EPB41L2: variants seen among roughly 807,000 people sequenced by gnomAD.
EPB41L2 encodes erythrocyte membrane protein band 4.1 like 2.
In EPB41L2, 43 loss-of-function variants were observed where a neutral mutation model predicts 113.0. The ratio of observed to expected loss-of-function variants is 0.38; its 90% confidence interval spans 0.30 to 0.49. The LOEUF (loss-of-function observed/expected upper bound fraction) is 0.49. Ranked by LOEUF, EPB41L2 falls within the 20% of genes least tolerant of loss-of-function variation. The pLI, the probability that EPB41L2 is intolerant of heterozygous loss-of-function variation, is 0.95. For missense variants in EPB41L2, 1,147 were observed against 1,223.4 expected (o/e 0.94, Z 0.93); for synonymous variants, 442 against 436.7 (o/e 1.01, Z -0.15).
intron 3 of EPB41L2, among the ~76,000 whole-genome samples, chr6:130,934,452 T>C (rs1366513279): frequency 2.0e-5 from 3 of 152,180 alleles, no homozygotes; most frequent in Non-Finnish European, 1.5e-5. Context: ...TACATAAATA[T>C]AGAAGACATA....
chr6:130,842,873 C>CT (rs1041808539), intron 19 of EPB41L2, among the ~76,000 whole-genome samples: 5 of 152,126 alleles, frequency 3.3e-5, no homozygotes, highest in Admixed American at 6.5e-5. Flanking sequence ...CATTAATAAA[C>CT]TTTTTTTCTG....
At chr6:130,875,085 T>C (rs1192473178) in intron 14 of EPB41L2, among the ~76,000 whole-genome samples, 2 of 152,220 alleles carry the variant, frequency 1.3e-5, no homozygotes, top group Admixed American at 6.5e-5. Flanking sequence ...ATCTTTCTCA[T>C]TTGCAATGTT....
At chr6:130,959,645 G>A (rs1818675387) in intron 1 of EPB41L2, among the ~76,000 whole-genome samples, 1 of 152,154 alleles carries the variant, frequency 6.6e-6, no homozygotes, top group Non-Finnish European at 1.5e-5. Context: ...CAGGTAAACT[G>A]GCTCCATATT....
chr6:130,952,990 TG>T (rs371564728), intron 3 of EPB41L2, among the ~76,000 whole-genome samples: 15 of 150,006 alleles, frequency 1.0e-4, no homozygotes, highest in African/African-American at 3.7e-4. Context: ...GTCAGTCTTG[TG>T]GTTTAGTGAT....
At chr6:130,992,573 G>A (rs1358187684) in intron 1 of EPB41L2, among the ~76,000 whole-genome samples, 1 of 151,948 alleles carries the variant, frequency 6.6e-6, no homozygotes, top group East Asian at 1.9e-4. Flanking sequence ...CCTCTCTATG[G>A]GGACTCGCTT....
At chr6:130,925,314 G>A (rs1366012773) in intron 4 of EPB41L2, among the ~76,000 whole-genome samples, 4 of 149,216 alleles carry the variant, frequency 2.7e-5, no homozygotes, top group Admixed American at 1.3e-4. Context: ...TCAGCCTCCC[G>A]AGTAGCTGAG....
chr6:130,879,551 A>G (rs1788606605), intron 13 of EPB41L2, among the ~76,000 whole-genome samples: 1 of 152,244 alleles, frequency 6.6e-6, no homozygotes, highest in Non-Finnish European at 1.5e-5. Flanking sequence ...TTTACACTTT[A>G]CATTCATAAT....
chr6:130,973,795 C>G (rs1373323329), intron 1 of EPB41L2, among the ~76,000 whole-genome samples: 1 of 152,206 alleles, frequency 6.6e-6, no homozygotes, highest in Non-Finnish European at 1.5e-5. Flanking sequence ...CATATGTTGA[C>G]TGATGTTTCC....
At chr6:130,906,925 T>G (rs1562454125) in intron 5 of EPB41L2, among the ~76,000 whole-genome samples, 1 of 152,184 alleles carries the variant, frequency 6.6e-6, no homozygotes. Context: ...CTAATCTTAC[T>G]GTTACTCATA....
At chr6:130,932,798 T>C (rs1017292992) in intron 3 of EPB41L2, among the ~76,000 whole-genome samples, 2 of 152,258 alleles carry the variant, frequency 1.3e-5, no homozygotes, top group African/African-American at 2.4e-5. Context: ...GGCCAAAAGA[T>C]AGCTGCTGAT....
Position 130,972,937 on chromosome 6 carries a change from C to CAAAAAAAAAAAAAAAAAAAAA in EPB41L2, c.-14-16459_-14-16439dup, listed in dbSNP as rs57293132. On this transcript the variant is annotated intron_variant, in intron 1 of 19. Coordinates refer to ENST00000337057, the MANE Select transcript of EPB41L2 (RefSeq NM_001431.4). ...TGAAACCCCATCTCTACTAAAGATA[C>CAAAAAAAAAAAAAAAAAAAAA]AAAAAAAAAAAAAAAAAAAAAAAAA... 3.2e-4 allele frequency among the ~76,000 whole-genome samples: 19 copies of CAAAAAAAAAAAAAAAAAAAAA among 59,514 alleles called. 1 individual carries two copies. Among genetic ancestry groups the CAAAAAAAAAAAAAAAAAAAAA allele is most frequent in the Non-Finnish European group, 4.3e-4 (15 of 34,848 alleles). The allele number at this position is 59,514 out of a possible 152,430, so 39.0% of individuals were successfully genotyped here.
intron 1 of EPB41L2, among the ~76,000 whole-genome samples, chr6:130,958,506 G>A (rs868079607): frequency 4.7e-5 from 7 of 150,230 alleles, no homozygotes; most frequent in African/African-American, 1.7e-4. Context: ...ACTTAAGCCA[G>A]GTTAGGAGAA....
At chr6:130,952,563 C>A (rs1302305117) in intron 3 of EPB41L2, among the ~76,000 whole-genome samples, 1 of 152,090 alleles carries the variant, frequency 6.6e-6, no homozygotes, top group Non-Finnish European at 1.5e-5. Flanking sequence ...ACACTGTAAT[C>A]CCAGCACTTG....
chr6:131,050,048 T>G (rs1796221895), intron 1 of EPB41L2, among the ~76,000 whole-genome samples: 1 of 152,042 alleles, frequency 6.6e-6, no homozygotes. Context: ...GTTTTAAAAA[T>G]CAAATGGGGA....
At chr6:131,029,391 TAAAAAAA>T (rs757528439) in intron 1 of EPB41L2, among the ~76,000 whole-genome samples, 2 of 119,464 alleles carry the variant, frequency 1.7e-5, no homozygotes, top group Admixed American at 8.7e-5. Context: ...AGCATTTGTT[TAAAAAAA>T]AAAAAAAAAA....
At chr6:131,041,449 C>T (rs1794446618) in intron 1 of EPB41L2, among the ~76,000 whole-genome samples, 1 of 152,134 alleles carries the variant, frequency 6.6e-6, no homozygotes, top group Non-Finnish European at 1.5e-5. Flanking sequence ...ACTGATCAAT[C>T]TTCATGCCAA....
At chr6:131,047,539 C>G (rs549123338) in intron 1 of EPB41L2, among the ~76,000 whole-genome samples, 57 of 152,108 alleles carry the variant, frequency 3.7e-4, no homozygotes, top group Non-Finnish European at 7.4e-4. Context: ...CATAAAAATC[C>G]TGCCTGTTAT....
chr6:130,862,570 T>C (rs1278909921), intron 18 of EPB41L2, among the ~76,000 whole-genome samples: 1 of 152,218 alleles, frequency 6.6e-6, no homozygotes, highest in African/African-American at 2.4e-5. Context: ...ACAAGTGTAC[T>C]AATGCTCTCT....
At chr6:130,952,259 G>C (rs953569505) in intron 3 of EPB41L2, among the ~76,000 whole-genome samples, 1 of 151,700 alleles carries the variant, frequency 6.6e-6, no homozygotes, top group African/African-American at 2.4e-5. Context: ...GGAAACTGAA[G>C]AAGTAAAACT....
Sources: gnomAD v4.1 joint callset for allele counts (sites outside exome capture counted in the v4.1 genomes callset) on GRCh38, gnomAD v4.1.1 for gene constraint, MANE v1.5 for transcripts, NCBI Gene and HGNC (gene_info 2026-07-23, HGNC 2026-07-21) for gene names.